The following RHOT1 variants were observed in gnomAD, a reference collection of about 807,000 sequenced individuals.
RHOT1 encodes ras homolog family member T1, also known as mitochondrial Rho GTPase 1.
Under a neutral mutation model 95.3 loss-of-function variants are expected in RHOT1, and 27 were observed. The ratio of observed to expected loss-of-function variants is 0.28; its 90% confidence interval spans 0.21 to 0.39. The LOEUF (loss-of-function observed/expected upper bound fraction) is 0.39. RHOT1 is among the 10% of genes least tolerant of loss of function. The pLI, the probability that RHOT1 is intolerant of heterozygous loss-of-function variation, is 1.00. For missense variants in RHOT1, 578 were observed against 786.7 expected (o/e 0.73, Z 3.17); for synonymous variants, 227 against 263.5 (o/e 0.86, Z 1.34).
intron 1 of RHOT1, among the ~76,000 whole-genome samples, chr17:32,166,414 G>T (rs776878097): frequency 2.0e-5 from 3 of 152,086 alleles, no homozygotes; most frequent in Non-Finnish European, 2.9e-5. Flanking sequence ...AGGCTGGGGT[G>T]GCTGTGGCAA....
intron 17 of RHOT1, chr17:32,207,317 C>A (rs6505291): frequency 0.021 from 5,755 of 272,562 alleles, 329 homozygotes; most frequent in African/African-American, 0.12. Flanking sequence ...CATATGTCTG[C>A]CTTCTCTCTG....
chr17:32,158,447 CAG>C (rs534449345), intron 1 of RHOT1, among the ~76,000 whole-genome samples: 154 of 152,096 alleles, frequency 1.0e-3, no homozygotes, highest in African/African-American at 3.1e-3. Flanking sequence ...TTTTTTGAGA[CAG>C]AGTCTCCCTC....
intron 8 of RHOT1, 119 bp from the exon 9 acceptor site, chr17:32,192,082 T>C: frequency 1.6e-6 from 1 of 607,708 alleles, no homozygotes; most frequent in Non-Finnish European, 2.9e-6. Flanking sequence ...GGCTTTGCTT[T>C]AGTTCATTTT....
chr17:32,213,777 G>C (rs1442399396), intron 19 of RHOT1, among the ~76,000 whole-genome samples: 1 of 152,112 alleles, frequency 6.6e-6, no homozygotes. Flanking sequence ...TGTGTCCCTG[G>C]TGACAATTTT....
chr17:32,143,187 G>C, intron 1 of RHOT1: 1 of 463,698 alleles, frequency 2.2e-6, no homozygotes, highest in Admixed American at 2.5e-5. Context: ...AATAGGGATT[G>C]CGTGAACCGG....
At chr17:32,209,720 A>G (rs2037997881) in intron 18 of RHOT1, 1 of 273,676 alleles carries the variant, frequency 3.7e-6, no homozygotes, top group Non-Finnish European at 7.1e-6. Context: ...GTGTTATATG[A>G]TAAATGTACA....
chr17:32,185,293 A>T (rs186002256), intron 8 of RHOT1, among the ~76,000 whole-genome samples: 2 of 152,048 alleles, frequency 1.3e-5, no homozygotes, highest in Admixed American at 1.3e-4. Flanking sequence ...TATTTTTAAT[A>T]GTTATGGGGT....
At chr17:32,156,092 T>C (rs1262224010) in intron 1 of RHOT1, among the ~76,000 whole-genome samples, 1 of 152,222 alleles carries the variant, frequency 6.6e-6, no homozygotes, top group Non-Finnish European at 1.5e-5. Flanking sequence ...TGCATGTAAG[T>C]TGGCAAGATC....
At chr17:32,165,332 G>C (rs547520008) in intron 1 of RHOT1, among the ~76,000 whole-genome samples, 2 of 91,198 alleles carry the variant, frequency 2.2e-5, no homozygotes, top group African/African-American at 4.8e-5. Context: ...GCAAGACTCC[G>C]TCTCAAAAAA....
At chr17:32,197,630 G>A (rs143798387) in intron 11 of RHOT1, among the ~76,000 whole-genome samples, 161 of 151,846 alleles carry the variant, frequency 1.1e-3, no homozygotes, top group African/African-American at 3.3e-3. Flanking sequence ...GGGTTTCACC[G>A]TGTTGTCCAG....
At chr17:32,157,953 T>A (rs556923015) in intron 1 of RHOT1, among the ~76,000 whole-genome samples, 1 of 152,310 alleles carries the variant, frequency 6.6e-6, no homozygotes, top group East Asian at 1.9e-4. Flanking sequence ...CACTGCAGCC[T>A]CAACTTCCTG....
Position 32,208,115 on chromosome 17 carries a change from T to A in RHOT1, c.1545T>A (p.Phe515Leu), listed in dbSNP as rs141986224. ...EYCARIFKQH[F>L]MDSRIPCLIV... is the part of the protein sequence containing the mutation. ...CATTTTTTATTCCATAGCAACACTT[T>A]ATGGACAGCAGAATACCTTGCTTAA... The change falls in exon 18 of 20, where the codon TTT (phenylalanine) becomes TTA (leucine). Residue 515 changes from phenylalanine (F) to leucine (L), a missense_variant. Physicochemically the swap from Phe to Leu is conservative, Grantham distance 22. Transcript: ENST00000545287. The A allele has an allele frequency of 1.2e-6, 2 of 1,613,738 alleles. No homozygotes were observed. The highest frequency in any genetic ancestry group is 2.7e-5 in the African/African-American group (2 of 74,932).
intron 1 of RHOT1, among the ~76,000 whole-genome samples, chr17:32,165,662 T>G (rs1008956400): frequency 6.6e-6 from 1 of 152,238 alleles, no homozygotes; most frequent in East Asian, 1.9e-4. Flanking sequence ...GGGATCATAT[T>G]GCACATGTTG....
chr17:32,198,148 G>T (rs576812667), intron 11 of RHOT1, among the ~76,000 whole-genome samples: 15 of 148,880 alleles, frequency 1.0e-4, no homozygotes, highest in African/African-American at 3.2e-4. Flanking sequence ...TCCTTGCCTC[G>T]GTCTCCCAAA....
At chr17:32,146,934 G>C (rs1046564896) in intron 1 of RHOT1, among the ~76,000 whole-genome samples, 1 of 142,438 alleles carries the variant, frequency 7.0e-6, no homozygotes, top group East Asian at 2.0e-4. Flanking sequence ...TTAGTAGAGA[G>C]GGTTTCACTG....
intron 16 of RHOT1, among the ~76,000 whole-genome samples, chr17:32,206,674 C>T (rs1180188185): frequency 2.6e-5 from 4 of 151,710 alleles, no homozygotes; most frequent in Non-Finnish European, 4.4e-5. Context: ...ATGCTGGTCT[C>T]GAACTCCTGA....
chr17:32,199,283 TA>T, intron 12 of RHOT1, 121 bp from the exon 13 acceptor site: 1 of 937,264 alleles, frequency 1.1e-6, no homozygotes, highest in Non-Finnish European at 1.6e-6. Context: ...TGATAAAATG[TA>T]AAATTTGTTG....
chr17:32,146,899 A>ATT lies in RHOT1; in HGVS notation c.37+4195_37+4196dup, dbSNP rs71144808. Among the ~76,000 whole-genome samples the ATT allele has an allele frequency of 1.4e-3, 138 of 98,020 alleles. 3 individuals are homozygous for ATT. Among genetic ancestry groups the ATT allele is most frequent in the East Asian group, 5.6e-3 (19 of 3,366 alleles). The allele number at this position is 98,020 out of a possible 152,430, so 64.3% of individuals were successfully genotyped here. On this transcript the variant is annotated intron_variant, in intron 1 of 19. Coordinates refer to ENST00000545287, the MANE Select transcript of RHOT1 (RefSeq NM_001033566.3). ...CACCATGTCTGGCTAATTTTTGTAAATTTTTTTTTTTTTTTTTTTTTTTTT... is the reference window on the plus strand; with the variant it reads ...CACCATGTCTGGCTAATTTTTGTAAATTTTTTTTTTTTTTTTTTTTTTTTTTT...
intron 19 of RHOT1, among the ~76,000 whole-genome samples, chr17:32,221,423 G>A: frequency 6.6e-6 from 1 of 151,362 alleles, no homozygotes; most frequent in South Asian, 2.1e-4. Context: ...TTATGAAACT[G>A]TACTTGCCTC....
Sources: allele counts gnomAD v4.1 joint callset (sites outside exome capture counted in the v4.1 genomes callset), GRCh38; gene constraint gnomAD v4.1.1; transcripts MANE v1.5; gene names NCBI Gene and HGNC (gene_info 2026-07-23, HGNC 2026-07-21).